Variants in GPALPP1 observed in about 807,000 individuals in gnomAD.
The protein encoded by GPALPP1 is GPALPP motifs containing 1.
Under a neutral mutation model 38.9 loss-of-function variants are expected in GPALPP1, and 30 were observed. That is an observed-to-expected ratio of 0.77 (90% CI 0.58 to 1.05). GPALPP1 has a LOEUF of 1.05. Among genes scored for constraint, GPALPP1 ranks in the 50% least tolerant of loss-of-function variants. GPALPP1 has a pLI of 0.00. For synonymous variants in GPALPP1, 120 were observed against 139.2 expected (o/e 0.86, Z 0.97); for missense variants, 384 against 408.8 (o/e 0.94, Z 0.52).
At chr13:45,017,180 A>T (rs544799191) in intron 6 of GPALPP1, among the ~76,000 whole-genome samples, 1 of 152,366 alleles carries the variant, frequency 6.6e-6, no homozygotes, top group Admixed American at 6.5e-5. Flanking sequence ...GAAAGAGTCA[A>T]GAGCTCCTTA....
At chr13:45,018,856 G>C (rs1875068958) in intron 6 of GPALPP1, among the ~76,000 whole-genome samples, 1 of 147,712 alleles carries the variant, frequency 6.8e-6, no homozygotes, top group Non-Finnish European at 1.5e-5. Context: ...TGATAGTTTT[G>C]TTTCAAATTC....
Position 45,015,003 on chromosome 13 carries a change from G to A in GPALPP1, c.460G>A (p.Gly154Arg). ...TATTATTGGACCAATGCCTGCAAAA[G>A]GACCAGTTAACTATAATGTAACGAC... The part of the protein sequence containing the change: ...EDIIGPMPAK[G>R]PVNYNVTTEF... The change falls in exon 5 of 8, where the codon GGA becomes AGA. Residue 154 changes from glycine to arginine, a missense_variant. Physicochemically the swap from Gly to Arg is moderately radical, Grantham distance 125. Coordinates refer to ENST00000379151, the MANE Select transcript of GPALPP1 (RefSeq NM_018559.5). 1 of 1,605,594 alleles carries A rather than the reference G, an allele frequency of 6.2e-7. No individual in the cohort carries two copies. Among genetic ancestry groups the A allele is most frequent in the Non-Finnish European group, 8.5e-7 (1 of 1,173,612 alleles).
rs1876054617 is a variant in GPALPP1, at chr13:45,029,156, A to G, written c.*1153A>G. 1 of 152,208 alleles carries G rather than the reference A, an allele frequency of 6.6e-6. No individual in the cohort carries two copies. Among genetic ancestry groups the G allele is most frequent in the South Asian group, 2.1e-4 (1 of 4,834 alleles). The allele number at this position is 152,208 out of a possible 1,614,324, so 9.4% of individuals were successfully genotyped here. A position where few individuals can be genotyped will look rare whatever the true frequency, so the allele number is the denominator to read the frequency against. ...TTTTAATTGTATTAAACCTATATCA[A>G]TATTCAAATGTGATTTTTGAGGAAA... On this transcript the variant is annotated 3_prime_UTR_variant, in exon 8 of 8. Transcript: ENST00000379151.
chr13:44,993,350 G>C (rs1439118316), intron 1 of GPALPP1, among the ~76,000 whole-genome samples: 1 of 152,126 alleles, frequency 6.6e-6, no homozygotes, highest in East Asian at 1.9e-4. Context: ...ACAACATTTT[G>C]AGAGGCCGGG....
Position 45,027,949 on chromosome 13 carries a change from AT to A in GPALPP1, c.970del (p.Ser324LeufsTer4). On this transcript the variant is annotated frameshift_variant, in exon 8 of 8. Transcript: ENST00000379151. LOFTEE classifies it high-confidence loss of function. ...EAQKKALIKKSRELNTRFSHG... is the reference protein window; with the variant it reads ...EAQKKALIKKXRELNTRFSHG... Reference sequence around the variant, plus strand: ...CTCAGAAAAAAGCCCTAATAAAAAAATCTAGAGAACTAAACACCAGATTTTC... The same window carrying A: ...CTCAGAAAAAAGCCCTAATAAAAAAACTAGAGAACTAAACACCAGATTTTC... The A allele has an allele frequency of 6.2e-7, 1 of 1,612,010 alleles. No individual in the cohort carries two copies. The highest frequency in any genetic ancestry group is 8.5e-7 in the Non-Finnish European group (1 of 1,178,280).
chr13:45,010,783 AGACCAC>A (rs1252014349), intron 4 of GPALPP1, among the ~76,000 whole-genome samples: 2 of 152,216 alleles, frequency 1.3e-5, no homozygotes, highest in African/African-American at 4.8e-5. Context: ...CAGGAGTTCA[AGACCAC>A]CCAGGGCAAC....
downstream of GPALPP1, chr13:45,031,614 G>T (rs964450406): frequency 6.6e-6 from 1 of 152,080 alleles, no homozygotes; most frequent in Non-Finnish European, 1.5e-5. Flanking sequence ...TACCTTACTG[G>T]CCTTGGAGAT....
At position 45,015,423 on chromosome 13, in the gene GPALPP1, C is replaced by A. The variant is rs778719356; in HGVS notation, c.541-9C>A. 2.0e-6 allele frequency: 3 copies of A among 1,495,506 alleles called. No individual in the cohort carries two copies. The highest frequency in any genetic ancestry group is 1.4e-5 in the African/African-American group (1 of 69,306). The allele number at this position is 1,495,506 out of a possible 1,614,324, so 92.6% of individuals were successfully genotyped here. A position where few individuals can be genotyped will look rare whatever the true frequency, so the allele number is the denominator to read the frequency against. On this transcript the variant is annotated splice_polypyrimidine_tract_variant and intron_variant, in intron 5 of 7. Coordinates refer to ENST00000379151, the MANE Select transcript of GPALPP1 (RefSeq NM_018559.5). Reference sequence around the variant, plus strand: ...ACTTTCTATGCTGTGTTTTTTTTTTCTCTTAAAGGATTCATCTAAACCCAT... The same window carrying A: ...ACTTTCTATGCTGTGTTTTTTTTTTATCTTAAAGGATTCATCTAAACCCAT...
At position 45,020,322 on chromosome 13, in the gene GPALPP1, T is replaced by C. The variant is rs1214383589; in HGVS notation, c.706-8T>C. On this transcript the variant is annotated splice_region_variant and splice_polypyrimidine_tract_variant and intron_variant, in intron 6 of 7. Transcript: ENST00000379151. ...TTCAGTAATGTGTTATCTGTGTTCATTCCTCAGGAAACACAAGAAGCAAGG... is the reference window on the plus strand; with the variant it reads ...TTCAGTAATGTGTTATCTGTGTTCACTCCTCAGGAAACACAAGAAGCAAGG... 8.1e-6 allele frequency: 9 copies of C among 1,110,258 alleles called. No homozygotes were observed. Among genetic ancestry groups the C allele is most frequent in the African/African-American group, 1.5e-5 (1 of 64,636 alleles). 68.8% of individuals were successfully genotyped at this position (1,110,258 alleles called of 1,614,324 possible). A position where few individuals can be genotyped will look rare whatever the true frequency, so the allele number is the denominator to read the frequency against.
At chr13:45,001,216 C>T (rs1387488514) in intron 1 of GPALPP1, among the ~76,000 whole-genome samples, 1 of 152,184 alleles carries the variant, frequency 6.6e-6, no homozygotes, top group African/African-American at 2.4e-5. Context: ...CTCTGCACTT[C>T]TCCTTCCTCC....
intron 1 of GPALPP1, among the ~76,000 whole-genome samples, chr13:44,994,894 C>T (rs1477023917): frequency 3.3e-5 from 5 of 151,486 alleles, no homozygotes; most frequent in African/African-American, 1.2e-4. Flanking sequence ...GCTCTTGTTG[C>T]CCAGGCTGGA....
downstream of GPALPP1, chr13:45,031,660 C>T (rs1298026697): frequency 6.6e-6 from 1 of 152,158 alleles, no homozygotes; most frequent in African/African-American, 2.4e-5. Flanking sequence ...ATAATTTTAA[C>T]AAAATGTAAG....
downstream of GPALPP1, among the ~76,000 whole-genome samples, chr13:45,032,968 C>T (rs1365279941): frequency 2.0e-5 from 3 of 150,418 alleles, no homozygotes; most frequent in East Asian, 4.0e-4. Flanking sequence ...ACCCAGGAGG[C>T]GGAGGTTGCA....
intron 7 of GPALPP1, among the ~76,000 whole-genome samples, chr13:45,023,431 T>C (rs892428591): frequency 6.6e-6 from 1 of 152,244 alleles, no homozygotes; most frequent in African/African-American, 2.4e-5. Flanking sequence ...TCTGTCTCTA[T>C]TGATGTTCAA....
chr13:45,032,833 T>G (rs911692229), downstream of GPALPP1, among the ~76,000 whole-genome samples: 7 of 151,350 alleles, frequency 4.6e-5, no homozygotes. Flanking sequence ...CTCAGGAGTT[T>G]GAGACCCAGC....
rs1345522117 is a variant in GPALPP1, at chr13:45,029,954, ATC to A, written c.*1955_*1956del. The A allele has an allele frequency of 1.1e-4, 17 of 152,224 alleles. No homozygotes were observed. Among genetic ancestry groups the A allele is most frequent in the African/African-American group, 3.9e-4 (16 of 41,456 alleles). 9.4% of individuals were successfully genotyped at this position (152,224 alleles called of 1,614,324 possible). A position where few individuals can be genotyped will look rare whatever the true frequency, so the allele number is the denominator to read the frequency against. ...AGCATTGTGAAATCTGTAAGACTCA[ATC>A]TCTGATCTCAACCAAAGCTTTCTGA... On this transcript the variant is annotated 3_prime_UTR_variant, in exon 8 of 8. Transcript: ENST00000379151.
chr13:44,994,413 C>A lies in GPALPP1; in HGVS notation c.88+4671C>A, dbSNP rs1257518585. On this transcript the variant is annotated intron_variant, in intron 1 of 7. Transcript: ENST00000379151. ...GCCTCAACGTGGAGAAACCCCGTCT[C>A]TACTAAAAAAATACAAAAATTACCC... 2.6e-5 allele frequency among the ~76,000 whole-genome samples: 4 copies of A among 151,710 alleles called. No homozygotes were observed. The East Asian group carries it at 7.8e-4, about 29-fold the overall frequency.
At chr13:45,020,483 C>G in intron 7 of GPALPP1, 55 bp downstream of exon 7, 1 of 767,544 alleles carries the variant, frequency 1.3e-6, no homozygotes, top group East Asian at 2.6e-5. Flanking sequence ...TGCCTATAAT[C>G]CCAGCTACTT....
chr13:45,020,118 T>A (rs531046531), intron 6 of GPALPP1, among the ~76,000 whole-genome samples: 2 of 152,034 alleles, frequency 1.3e-5, no homozygotes, highest in South Asian at 4.2e-4. Flanking sequence ...TCACCTCAGG[T>A]GATTCACCCG....
Sources: gnomAD v4.1 joint callset for allele counts (sites outside exome capture counted in the v4.1 genomes callset) on GRCh38, gnomAD v4.1.1 for gene constraint, MANE v1.5 for transcripts, NCBI Gene and HGNC (gene_info 2026-07-23, HGNC 2026-07-21) for gene names.